ERI1: variants seen among roughly 807,000 people sequenced by gnomAD.
ERI1 encodes 3'-5' exoribonuclease 1.
A neutral mutation model predicts 39.7 loss-of-function variants in ERI1; 39 were observed. The observed-to-expected ratio is 0.98, with a 90% CI of 0.76 to 1.28. The LOEUF is 1.28. Ranked by LOEUF, ERI1 falls within the 50% of genes most tolerant of loss-of-function variation. ERI1 has a pLI of 0.00. For synonymous variants in ERI1, 204 were observed against 149.6 expected, an observed-to-expected ratio of 1.36 and a Z score of -2.65; for missense variants, 581 against 416.9, an observed-to-expected ratio of 1.39 and a Z score of -3.43.
chr8:9,058,052 G>C (rs1798566864), intron 3 of ERI1, among the ~76,000 whole-genome samples: 1 of 152,248 alleles, frequency 6.6e-6, no homozygotes, highest in African/African-American at 2.4e-5. Context: ...TCAGCCACAA[G>C]AGTGATGAGA....
intron 6 of ERI1, among the ~76,000 whole-genome samples, chr8:9,025,733 A>G (rs545032047): frequency 1.2e-4 from 18 of 151,474 alleles, no homozygotes; most frequent in African/African-American, 4.4e-4. Flanking sequence ...TGTGGTTAAA[A>G]TGTACATAAT....
chr8:9,029,548 C>G (rs1161082148), intron 6 of ERI1, among the ~76,000 whole-genome samples: 1 of 152,174 alleles, frequency 6.6e-6, no homozygotes, highest in Admixed American at 6.5e-5. Context: ...CCAGGCTGGT[C>G]TCATACTCCT....
chr8:9,093,781 T>G (rs932928304), intron 3 of ERI1, among the ~76,000 whole-genome samples: 1 of 152,264 alleles, frequency 6.6e-6, no homozygotes, highest in South Asian at 2.1e-4. Flanking sequence ...TTCACCACAT[T>G]GTCCAGGCTG....
At chr8:9,025,698 T>TGTG (rs1231286495) in intron 6 of ERI1, among the ~76,000 whole-genome samples, 31 of 122,144 alleles carry the variant, frequency 2.5e-4, no homozygotes, top group Admixed American at 4.7e-4. Context: ...TTAATCTTTT[T>TGTG]TTTTTGTGTG....
At chr8:9,072,284 C>G (rs1302484540) in intron 3 of ERI1, among the ~76,000 whole-genome samples, 2 of 152,080 alleles carry the variant, frequency 1.3e-5, no homozygotes, top group Non-Finnish European at 1.5e-5. Flanking sequence ...TTTCTAGTGG[C>G]CTGAAGGTTT....
chr8:9,024,940 T>TA (rs34169022), intron 6 of ERI1, among the ~76,000 whole-genome samples: 148 of 150,238 alleles, frequency 9.9e-4, no homozygotes, highest in Non-Finnish European at 1.4e-3. Flanking sequence ...TCATGCATGT[T>TA]AAAAAAAAAA....
intron 5 of ERI1, among the ~76,000 whole-genome samples, chr8:9,019,445 C>T (rs1270146246): frequency 1.3e-5 from 2 of 152,174 alleles, no homozygotes; most frequent in African/African-American, 4.8e-5. Flanking sequence ...CAGTGCTCTG[C>T]TAAAGTATAC....
intron 2 of ERI1, chr8:9,009,109 C>T (rs1816391573): frequency 2.2e-6 from 1 of 456,012 alleles, no homozygotes; most frequent in African/African-American, 2.0e-5. Context: ...TTGCTTACTC[C>T]TGGCTTGCGT....
At chr8:9,033,341 A>G (rs971088783), downstream of ERI1, 3 of 152,222 alleles carry the variant, frequency 2.0e-5, no homozygotes, top group East Asian at 1.9e-4. Context: ...GGAAAGAACT[A>G]CCATTCTCAT....
intron 5 of ERI1, 126 bp downstream of exon 5, chr8:9,018,532 A>G (rs988781680): frequency 1.7e-5 from 10 of 573,632 alleles, no homozygotes; most frequent in Admixed American, 3.0e-5. Context: ...CCCACAGGGA[A>G]TAGTATTTTT....
In ERI1 at chr8:9,091,958, TTTG is replaced by T. The variant is rs1462322578; in HGVS notation, n.300-24378_300-24376del. On this transcript the variant is annotated intron_variant and non_coding_transcript_variant, in intron 3 of 3. Transcript: ENST00000518663. ...TTACGCTGAAGTGTGTGCATGTGTT[TTTG>T]TTGTTGTTGTTTTGAGACAGGGTCT... Among the ~76,000 whole-genome samples the T allele has an allele frequency of 5.3e-5, 8 of 152,174 alleles. No individual in the cohort carries two copies. In the South Asian group the frequency reaches 1.0e-3, roughly 20 times the overall value.
chr8:9,025,332 T>C (rs1344443522), intron 6 of ERI1, among the ~76,000 whole-genome samples: 3 of 152,228 alleles, frequency 2.0e-5, no homozygotes, highest in Admixed American at 6.5e-5. Context: ...TCCAAAGACA[T>C]ACTCCGTTAC....
rs567439894 is a variant in ERI1 at position 9,017,203 on chromosome 8, C to G, written c.582+798C>G. Among the ~76,000 whole-genome samples the G allele has an allele frequency of 2.2e-4, 33 of 152,086 alleles. 1 individual carries two copies. The highest frequency in any genetic ancestry group is 2.0e-3 in the Admixed American group (31 of 15,272). On this transcript the variant is annotated intron_variant, in intron 4 of 6. Transcript: ENST00000250263. ...TATAGGCACACACCACGATGATTGG[C>G]TAATTTTTTTTTTATTTTTAGTAGA...
intron 3 of ERI1, among the ~76,000 whole-genome samples, chr8:9,052,287 C>G (rs571976609): frequency 6.6e-6 from 1 of 152,104 alleles, no homozygotes; most frequent in Admixed American, 6.5e-5. Context: ...TTCTTCCATT[C>G]TTCCGTGTCC....
At chr8:9,085,909 C>G (rs538849416) in intron 3 of ERI1, among the ~76,000 whole-genome samples, 2 of 152,220 alleles carry the variant, frequency 1.3e-5, no homozygotes, top group East Asian at 3.9e-4. Flanking sequence ...ACAAATTTAG[C>G]AAACTCTTAT....
intron 3 of ERI1, among the ~76,000 whole-genome samples, chr8:9,098,312 G>C (rs949416512): frequency 6.6e-6 from 1 of 152,224 alleles, no homozygotes; most frequent in Non-Finnish European, 1.5e-5. Flanking sequence ...CTGAGGTCAG[G>C]AGTTTGAGAC....
chr8:9,005,162 C>T (rs1184740998), intron 1 of ERI1, among the ~76,000 whole-genome samples: 1 of 152,082 alleles, frequency 6.6e-6, no homozygotes, highest in Non-Finnish European at 1.5e-5. Context: ...GAACGTCAAT[C>T]AAGAAAAATT....
intron 3 of ERI1, among the ~76,000 whole-genome samples, chr8:9,069,880 AT>A (rs1490189119): frequency 6.6e-6 from 1 of 152,196 alleles, no homozygotes; most frequent in African/African-American, 2.4e-5. Context: ...CAACAGAGGA[AT>A]TTGCAGGTTT....
intron 2 of ERI1, among the ~76,000 whole-genome samples, chr8:9,010,580 A>G (rs1585190955): frequency 1.3e-5 from 2 of 151,990 alleles, no homozygotes; most frequent in African/African-American, 4.8e-5. Flanking sequence ...GTTTTTTTTA[A>G]ATAGTCATTA....
Sources: allele counts gnomAD v4.1 joint callset (sites outside exome capture counted in the v4.1 genomes callset), GRCh38; gene constraint gnomAD v4.1.1; transcripts MANE v1.5; gene names NCBI Gene and HGNC (gene_info 2026-07-23, HGNC 2026-07-21).